The following KIF13A variants were observed in gnomAD, a reference collection of about 807,000 sequenced individuals.
The protein encoded by KIF13A is kinesin family member 13A.
In KIF13A, 79 loss-of-function variants were observed where a neutral mutation model predicts 212.2. That is an observed-to-expected ratio of 0.37 (90% CI 0.31 to 0.45). The LOEUF (loss-of-function observed/expected upper bound fraction) is 0.45. KIF13A is among the 20% of genes least tolerant of loss of function. KIF13A has a pLI of 1.00. For synonymous variants in KIF13A, 789 were observed against 808.6 expected, an observed-to-expected ratio of 0.98 and a Z score of 0.41; for missense variants, 1,901 against 2,209.0, an observed-to-expected ratio of 0.86 and a Z score of 2.79.
At position 17,768,369 on chromosome 6, in the gene KIF13A, AC is replaced by A; in HGVS notation, c.4581+2744del. 6.6e-6 allele frequency among the ~76,000 whole-genome samples: 1 copy of A among 152,342 alleles called. No individual in the cohort carries two copies. The stretch of plus-strand genomic sequence containing the variant: ...GCTGATATTTACCTATACAGAAAAC[AC>A]CTTGATTTTAAAAAGGGACTGAAAT... On this transcript the variant is annotated intron_variant, in intron 38 of 38. Transcript: ENST00000259711. The surrounding 1 kb of genome is among the most constrained non-coding windows in gnomAD (Gnocchi z 5.4).
intron 9 of KIF13A, among the ~76,000 whole-genome samples, chr6:17,844,419 A>G (rs1766826451): frequency 6.6e-6 from 1 of 152,226 alleles, no homozygotes; most frequent in African/African-American, 2.4e-5. Context: ...TAGGGATCTT[A>G]ACATATGTTG....
At position 17,843,329 on chromosome 6, in the gene KIF13A, A is replaced by G. The variant is rs1028087470; in HGVS notation, c.831-5746T>C. Among the ~76,000 whole-genome samples the G allele has an allele frequency of 5.9e-5, 9 of 152,192 alleles. No homozygotes were observed. The highest frequency in any genetic ancestry group is 1.7e-4 in the African/African-American group (7 of 41,462). Reference sequence around the variant, plus strand: ...CAGAACACTGGTTTTCCTGGAAGCAATGTGCTGGGCTAAAAACTCTATTTT... The same window carrying G: ...CAGAACACTGGTTTTCCTGGAAGCAGTGTGCTGGGCTAAAAACTCTATTTT... On this transcript the variant is annotated intron_variant, in intron 9 of 38. Transcript: ENST00000259711. The surrounding 1 kb of genome is among the most constrained non-coding windows in gnomAD (Gnocchi z 5.3).
rs185777053 is a variant in KIF13A, at chr6:17,860,430, C to A, written c.221-4308G>T. ...TCTCGAACTCCTGACCCTAGGTGAT[C>A]TGCCTGCCTTGGCCTCCCAAAGTGC... On this transcript the variant is annotated intron_variant, in intron 4 of 38. Coordinates refer to ENST00000259711, the MANE Select transcript of KIF13A (RefSeq NM_022113.6). 6.9e-3 allele frequency among the ~76,000 whole-genome samples: 1,053 copies of A among 152,242 alleles called. 15 individuals are homozygous for A. The highest frequency in any genetic ancestry group is 0.024 in the African/African-American group (990 of 41,528).
At position 17,828,462 on chromosome 6, in the gene KIF13A, A is replaced by C. The variant is rs1765161124; in HGVS notation, c.1402-92T>G. The C allele has an allele frequency of 4.8e-6, 5 of 1,040,330 alleles. No homozygotes were observed. Among genetic ancestry groups the C allele is most frequent in the Non-Finnish European group, 6.9e-6 (5 of 728,102 alleles). The allele number at this position is 1,040,330 out of a possible 1,614,324, so 64.4% of individuals were successfully genotyped here. A position where few individuals can be genotyped will look rare whatever the true frequency, so the allele number is the denominator to read the frequency against. On this transcript the variant is annotated intron_variant, in intron 13 of 38. Coordinates refer to ENST00000259711, the MANE Select transcript of KIF13A (RefSeq NM_022113.6). The surrounding 1 kb of genome is among the most constrained non-coding windows in gnomAD (Gnocchi z 4.3). ...ATCAATTTGAATAACGCAGCAGCAT[A>C]TGCACAAAAATATTAAACGAATCCT...
chr6:17,833,784 A>G (rs1292459795), intron 12 of KIF13A, among the ~76,000 whole-genome samples, 177 bp downstream of exon 12: 1 of 130,104 alleles, frequency 7.7e-6, no homozygotes, highest in Non-Finnish European at 1.6e-5. Flanking sequence ...TGAGCCCGGG[A>G]GGTGGAGGTT....
intron 2 of KIF13A, among the ~76,000 whole-genome samples, chr6:17,923,623 T>C (rs1775265311): frequency 6.6e-6 from 1 of 152,100 alleles, no homozygotes; most frequent in African/African-American, 2.4e-5. Flanking sequence ...TCTTCACAAT[T>C]ACTGCATTAA....
intron 22 of KIF13A, among the ~76,000 whole-genome samples, chr6:17,798,938 A>T (rs1014335642): frequency 5.9e-5 from 9 of 152,336 alleles, no homozygotes; most frequent in African/African-American, 1.7e-4. Flanking sequence ...TAAAGAACTT[A>T]TGTGTGCATG....
intron 2 of KIF13A, among the ~76,000 whole-genome samples, chr6:17,909,425 A>G (rs1238203265): frequency 6.6e-6 from 1 of 151,618 alleles, no homozygotes; most frequent in African/African-American, 2.4e-5. Context: ...AGATCCAGCT[A>G]CTTGGGAGGT....
At chr6:17,879,757 A>C (rs1229644634) in intron 3 of KIF13A, among the ~76,000 whole-genome samples, 1 of 152,220 alleles carries the variant, frequency 6.6e-6, no homozygotes, top group East Asian at 1.9e-4. Flanking sequence ...TTAGTTCCAT[A>C]AACTATTTAC....
Position 17,971,090 on chromosome 6 carries a change from A to T in KIF13A, c.146+15964T>A, listed in dbSNP as rs1779769678. Among the ~76,000 whole-genome samples the T allele has an allele frequency of 6.6e-6, 1 of 152,222 alleles. No homozygotes were observed. On this transcript the variant is annotated intron_variant, in intron 2 of 38. Transcript: ENST00000259711. This position sits in a 1 kb window ranked among gnomAD's most constrained non-coding sequence, Gnocchi z 4.2. ...CAAAAAATTCAGTCTACATACAAAT[A>T]ACAGAGACTGGTCAATTTTTAAGGG...
At chr6:17,880,578 A>T (rs1289541424) in intron 3 of KIF13A, among the ~76,000 whole-genome samples, 2 of 149,930 alleles carry the variant, frequency 1.3e-5, no homozygotes, top group Non-Finnish European at 3.0e-5. Flanking sequence ...CAGTGAGCCA[A>T]GATCGCACCA....
chr6:17,983,661 T>C (rs1181753011), intron 2 of KIF13A, among the ~76,000 whole-genome samples: 2 of 152,110 alleles, frequency 1.3e-5, no homozygotes, highest in African/African-American at 4.8e-5. Context: ...CTAATTTTTA[T>C]ATTTTTAGGA....
At position 17,787,712 on chromosome 6, in the gene KIF13A, G is replaced by C. The variant is rs1254410631; in HGVS notation, c.3361+64C>G. ...TACTGTCCAGTTAGGGGAAGAAAAC[G>C]ACCTACTGCCATTGTGTAAAAGTGA... On this transcript the variant is annotated intron_variant, in intron 27 of 38. Coordinates refer to ENST00000259711, the MANE Select transcript of KIF13A (RefSeq NM_022113.6). This position sits in a 1 kb window ranked among gnomAD's most constrained non-coding sequence, Gnocchi z 4.6. 1.1e-6 allele frequency: 1 copy of C among 917,410 alleles called. No homozygotes were observed. The highest frequency in any genetic ancestry group is 2.4e-5 in the East Asian group (1 of 41,670). 56.8% of individuals were successfully genotyped at this position (917,410 alleles called of 1,614,324 possible).
intron 4 of KIF13A, 109 bp downstream of exon 4, chr6:17,873,268 G>T: frequency 2.8e-6 from 2 of 711,432 alleles, no homozygotes; most frequent in Non-Finnish European, 4.7e-6. Flanking sequence ...GGAAAGAACA[G>T]GTGTGAATTA....
chr6:17,795,725 C>T (rs969476320), intron 23 of KIF13A, among the ~76,000 whole-genome samples: 1 of 152,044 alleles, frequency 6.6e-6, no homozygotes, highest in African/African-American at 2.4e-5. Context: ...TGATAAGAAA[C>T]TGCCAGTCCT....
Position 17,768,289 on chromosome 6 carries a change from C to G in KIF13A, c.4581+2825G>C, listed in dbSNP as rs532017091. ...GAAGTGGCACATGGAGTCAAGTTCT[C>G]AAGCTTCTCTATAGCTACAGTCTTC... On this transcript the variant is annotated intron_variant, in intron 38 of 38. Transcript: ENST00000259711. This position sits in a 1 kb window ranked among gnomAD's most constrained non-coding sequence, Gnocchi z 5.4. Among the ~76,000 whole-genome samples the G allele has an allele frequency of 2.6e-5, 4 of 152,310 alleles. No individual in the cohort carries two copies. Among genetic ancestry groups the G allele is most frequent in the African/African-American group, 9.6e-5 (4 of 41,582 alleles).
At position 17,892,798 on chromosome 6, in the gene KIF13A, G is replaced by C. The variant is rs1357891390; in HGVS notation, c.159+5370C>G. Among the ~76,000 whole-genome samples, 1 of 152,204 alleles carries C rather than the reference G, an allele frequency of 6.6e-6. No homozygotes were observed. Among genetic ancestry groups the C allele is most frequent in the African/African-American group, 2.4e-5 (1 of 41,458 alleles). ...GCAGTACACACAGAAAGGGCAGAGA[G>C]GCTTCATGCTGCCTTGCCCTATGCA... On this transcript the variant is annotated intron_variant, in intron 3 of 38. Coordinates refer to ENST00000259711, the MANE Select transcript of KIF13A (RefSeq NM_022113.6). The surrounding 1 kb of genome is among the most constrained non-coding windows in gnomAD (Gnocchi z 4.7).
chr6:17,906,589 C>T (rs1773523974), intron 2 of KIF13A, among the ~76,000 whole-genome samples: 1 of 151,814 alleles, frequency 6.6e-6, no homozygotes, highest in Non-Finnish European at 1.5e-5. Context: ...GCTGGGACTA[C>T]AGGTGTGCAC....
At chr6:17,831,063 T>C in intron 13 of KIF13A, 38 bp downstream of exon 13, 1 of 1,584,864 alleles carries the variant, frequency 6.3e-7, no homozygotes, top group East Asian at 2.2e-5. Context: ...TGTATAGGAA[T>C]GAATCTTGAT....
Sources: allele counts gnomAD v4.1 joint callset (sites outside exome capture counted in the v4.1 genomes callset), GRCh38; gene constraint gnomAD v4.1.1; non-coding constraint Gnocchi (gnomAD v3.1); transcripts MANE v1.5; gene names NCBI Gene and HGNC (gene_info 2026-07-23, HGNC 2026-07-21).